FIG4: variants seen among roughly 807,000 people sequenced by gnomAD.
FIG4 encodes polyphosphoinositide phosphatase.
In FIG4, 112 loss-of-function variants were observed where a neutral mutation model predicts 118.6. The observed-to-expected ratio is 0.94, with a 90% CI of 0.81 to 1.11. FIG4 has a LOEUF of 1.11. FIG4 is among the 50% of genes least tolerant of loss of function. FIG4 has a pLI of 0.00. For missense variants in FIG4, 969 were observed against 1,111.7 expected (o/e 0.87, Z 1.83); for synonymous variants, 369 against 381.2 (o/e 0.97, Z 0.37).
intron 3 of FIG4, among the ~76,000 whole-genome samples, chr6:109,720,484 G>A (rs1218681188): frequency 6.6e-6 from 1 of 152,160 alleles, no homozygotes; most frequent in African/African-American, 2.4e-5. Flanking sequence ...CATGTCATGA[G>A]AATCTAGAAC....
chr6:109,774,382 T>C (rs1777556896), intron 15 of FIG4, among the ~76,000 whole-genome samples: 1 of 152,210 alleles, frequency 6.6e-6, no homozygotes, highest in African/African-American at 2.4e-5. Flanking sequence ...ATTTAGTTAT[T>C]TGCTTTGTGC....
intron 1 of FIG4, among the ~76,000 whole-genome samples, chr6:109,695,565 C>T (rs976126830): frequency 6.8e-6 from 1 of 147,970 alleles, no homozygotes; most frequent in Non-Finnish European, 1.5e-5. Flanking sequence ...AGTCAACGAG[C>T]AAAATGCAGT....
At chr6:109,741,299 A>C in intron 7 of FIG4, 145 bp from the exon 8 acceptor site, 1 of 741,480 alleles carries the variant, frequency 1.3e-6, no homozygotes, top group Non-Finnish European at 2.5e-6. Flanking sequence ...CATTAGATCA[A>C]GTGCTGTTCC....
Position 109,692,052 on chromosome 6 carries a change from TCTTG to T in FIG4, c.66+555_66+558del, listed in dbSNP as rs539552897. Among the ~76,000 whole-genome samples, 170 of 152,374 alleles carry T rather than the reference TCTTG, an allele frequency of 1.1e-3. 1 individual carries two copies. The highest frequency in any genetic ancestry group is 2.1e-3 in the Non-Finnish European group (142 of 68,040). The stretch of plus-strand genomic sequence containing the variant: ...AGACAGATAATTTGTTTGGATAACA[TCTTG>T]CTTTTCACTTGACTTTTTTCAACAT... On this transcript the variant is annotated intron_variant, in intron 1 of 22. Transcript: ENST00000230124.
intron 8 of FIG4, 113 bp from the exon 9 acceptor site, chr6:109,742,997 A>T: frequency 1.0e-6 from 1 of 966,384 alleles, no homozygotes; most frequent in Non-Finnish European, 1.6e-6. Context: ...AGACTTTCAA[A>T]GAATAGGAAT....
intron 7 of FIG4, among the ~76,000 whole-genome samples, chr6:109,738,777 T>G (rs1365817554): frequency 6.6e-6 from 1 of 152,186 alleles, no homozygotes; most frequent in Non-Finnish European, 1.5e-5. Context: ...TAGTTGAACT[T>G]GGCCTGGGCC....
At chr6:109,749,751 T>A (rs556634583) in intron 10 of FIG4, among the ~76,000 whole-genome samples, 2 of 152,288 alleles carry the variant, frequency 1.3e-5, no homozygotes, top group African/African-American at 4.8e-5. Flanking sequence ...ATACATGTGA[T>A]CATAATGTAT....
At chr6:109,721,963 A>G (rs1475185205) in intron 3 of FIG4, among the ~76,000 whole-genome samples, 1 of 152,170 alleles carries the variant, frequency 6.6e-6, no homozygotes, top group Admixed American at 6.5e-5. Context: ...ATTACTAAGA[A>G]TTTTTATCTA....
intron 22 of FIG4, among the ~76,000 whole-genome samples, chr6:109,803,111 G>A (rs182552853): frequency 6.6e-6 from 1 of 152,306 alleles, no homozygotes; most frequent in East Asian, 1.9e-4. Context: ...AGATCAGGAA[G>A]AGATGCTAAG....
intron 10 of FIG4, among the ~76,000 whole-genome samples, chr6:109,744,907 C>T (rs75743084): frequency 1.3e-5 from 2 of 151,414 alleles, no homozygotes; most frequent in Non-Finnish European, 2.9e-5. Flanking sequence ...TTTCCTGTTC[C>T]TGTGTTAGTT....
chr6:109,786,180 G>A (rs965318319), intron 17 of FIG4, 122 bp from the exon 18 acceptor site: 7 of 788,942 alleles, frequency 8.9e-6, no homozygotes, highest in South Asian at 4.8e-5. Context: ...GCTTACCCTC[G>A]GTCAGGGCTG....
intron 15 of FIG4, among the ~76,000 whole-genome samples, chr6:109,773,807 G>A (rs1194848328): frequency 6.6e-6 from 1 of 152,054 alleles, no homozygotes; most frequent in Admixed American, 6.6e-5. Flanking sequence ...GAGTAGCTGG[G>A]ACCACACTCG....
chr6:109,757,457 A>T (rs1403144051), intron 10 of FIG4, among the ~76,000 whole-genome samples: 1 of 152,234 alleles, frequency 6.6e-6, no homozygotes, highest in Non-Finnish European at 1.5e-5. Flanking sequence ...TTGATGGAAC[A>T]TATCTCAAAA....
At chr6:109,806,891 T>C (rs1404331686) in intron 22 of FIG4, among the ~76,000 whole-genome samples, 1 of 152,174 alleles carries the variant, frequency 6.6e-6, no homozygotes, top group East Asian at 1.9e-4. Flanking sequence ...TTGCTGAGAA[T>C]GATTGTTTCC....
chr6:109,796,769 G>C lies in FIG4; in HGVS notation c.2464G>C (p.Val822Leu), dbSNP rs1208125100. ...EEDFSIYSRFVQLGQSQHKQD... is the reference protein window; with the variant it reads ...EEDFSIYSRFLQLGQSQHKQD... ...CTTATCCATTGTAATTTGTAGATTT[G>C]TTCAGCTGGGGCAGAGTCAACATAA... The change falls in exon 22 of 23, where the codon GTT becomes CTT. Residue 822 changes from valine to leucine, a missense_variant. Physicochemically the swap from Val to Leu is conservative, Grantham distance 32 (BLOSUM62 1). Transcript: ENST00000230124. 2 of 1,602,088 alleles carry C rather than the reference G, an allele frequency of 1.2e-6. No homozygotes were observed. The highest frequency in any genetic ancestry group is 1.7e-6 in the Non-Finnish European group (2 of 1,169,134).
chr6:109,739,629 G>A (rs1206354398), intron 7 of FIG4, among the ~76,000 whole-genome samples: 1 of 152,048 alleles, frequency 6.6e-6, no homozygotes, highest in Non-Finnish European at 1.5e-5. Flanking sequence ...GGGTTTCTTT[G>A]TCTTATTTAT....
In FIG4 at chr6:109,820,334, TC is replaced by T. The variant is rs564766949; in HGVS notation, c.2547-4753del. On this transcript the variant is annotated intron_variant, in intron 22 of 22. Coordinates refer to ENST00000230124, the MANE Select transcript of FIG4 (RefSeq NM_014845.6). ...ACATTTCTCTAACTCTTCTTGTACCTCTACTGCTATGTAGGCAATACCTGAT... is the reference window on the plus strand; with the variant it reads ...ACATTTCTCTAACTCTTCTTGTACCTTACTGCTATGTAGGCAATACCTGAT... Among the ~76,000 whole-genome samples, 44 of 152,310 alleles carry T rather than the reference TC, an allele frequency of 2.9e-4. No individual in the cohort carries two copies. The South Asian group carries it at 8.9e-3, about 31-fold the overall frequency.
chr6:109,691,929 A>G (rs1774453366), intron 1 of FIG4, among the ~76,000 whole-genome samples: 1 of 152,206 alleles, frequency 6.6e-6, no homozygotes, highest in South Asian at 2.1e-4. Context: ...TCCATGGTAT[A>G]CCATCACTGC....
At chr6:109,799,185 T>C (rs1207644535) in intron 22 of FIG4, among the ~76,000 whole-genome samples, 1 of 152,246 alleles carries the variant, frequency 6.6e-6, no homozygotes, top group African/African-American at 2.4e-5. Flanking sequence ...TGCCTGTGAG[T>C]CCTAGCACAG....
Sources: gnomAD v4.1 joint callset for allele counts (sites outside exome capture counted in the v4.1 genomes callset) on GRCh38, gnomAD v4.1.1 for gene constraint, MANE v1.5 for transcripts, NCBI Gene and HGNC (gene_info 2026-07-23, HGNC 2026-07-21) for gene names.